The following PRMT8 variants were observed in gnomAD, a reference collection of about 807,000 sequenced individuals.
PRMT8 encodes the protein protein arginine N-methyltransferase 8.
PRMT8 carries 7 observed loss-of-function variants against 47.1 expected under a neutral mutation model. The observed-to-expected ratio is 0.15, with a 90% CI of 0.08 to 0.28. The LOEUF (loss-of-function observed/expected upper bound fraction) is 0.28, where lower values mean the gene tolerates loss of function less well. PRMT8 is among the 10% of genes least tolerant of loss of function. PRMT8 has a pLI of 1.00. For synonymous variants in PRMT8, 188 were observed against 186.5 expected (o/e 1.01, Z -0.07); for missense variants, 237 against 505.4 (o/e 0.47, Z 5.09).
In PRMT8 at chr12:3,436,923, GA is replaced by G. The variant is rs1864749681; in HGVS notation, c.48+55482del. On this transcript the variant is annotated intron_variant, in intron 1 of 9. Transcript: ENST00000452611. The surrounding 1 kb of genome is among the most constrained non-coding windows in gnomAD (Gnocchi z 4.2). ...CTGGTGGGGTGTCCCAGTGGATGGCGAGAGTTTGGTAGGTTCAATTTGATTC... is the reference window on the plus strand; with the variant it reads ...CTGGTGGGGTGTCCCAGTGGATGGCGGAGTTTGGTAGGTTCAATTTGATTC... Among the ~76,000 whole-genome samples, 2 of 152,238 alleles carry G rather than the reference GA, an allele frequency of 1.3e-5. No homozygotes were observed. Among genetic ancestry groups the G allele is most frequent in the African/African-American group, 4.8e-5 (2 of 41,464 alleles).
intron 1 of PRMT8, among the ~76,000 whole-genome samples, chr12:3,525,941 T>C (rs938912797): frequency 2.0e-5 from 3 of 152,190 alleles, no homozygotes; most frequent in African/African-American, 4.8e-5. Flanking sequence ...TACATTCACA[T>C]TGCAGTGCAA....
Position 3,491,418 on chromosome 12 carries a change from C to A in PRMT8, c.-208C>A. Reference sequence around the variant, plus strand: ...AGAACTTGAAACCGTGTGAAGGAATCCGGAGCAGATGAGAAGGGAGGAAAA... The same window carrying A: ...AGAACTTGAAACCGTGTGAAGGAATACGGAGCAGATGAGAAGGGAGGAAAA... On this transcript the variant is annotated 5_prime_UTR_variant, in exon 1 of 10. Transcript: ENST00000382622. The A allele has an allele frequency of 1.5e-6, 2 of 1,339,170 alleles. No homozygotes were observed. Among genetic ancestry groups the A allele is most frequent in the Non-Finnish European group, 1.9e-6 (2 of 1,045,036 alleles). The allele number at this position is 1,339,170 out of a possible 1,614,324, so 83.0% of individuals were successfully genotyped here.
upstream of PRMT8, among the ~76,000 whole-genome samples, chr12:3,490,887 G>A (rs1334380658): frequency 1.3e-5 from 2 of 152,064 alleles, no homozygotes; most frequent in African/African-American, 4.8e-5. Context: ...TGGGGAGGGT[G>A]CGAGTTAACT....
intron 1 of PRMT8, among the ~76,000 whole-genome samples, chr12:3,434,996 T>C (rs1489661162): frequency 1.4e-5 from 2 of 140,276 alleles, no homozygotes; most frequent in African/African-American, 2.8e-5. Context: ...TCAGAAGGAG[T>C]CTTGCTCTGT....
rs542275605 is a variant in PRMT8 at position 3,393,290 on chromosome 12, T to C, written c.48+11848T>C. ...GTTTTAGACATGAAGTCCTTGCCCA[T>C]GCCTATGTCCTGAATGGTAATGCCT... On this transcript the variant is annotated intron_variant, in intron 1 of 9. Transcript: ENST00000452611. 2.6e-3 allele frequency among the ~76,000 whole-genome samples: 385 copies of C among 148,428 alleles called. 1 individual carries two copies. Among genetic ancestry groups the C allele is most frequent in the African/African-American group, 8.7e-3 (350 of 40,012 alleles).
intron 1 of PRMT8, among the ~76,000 whole-genome samples, chr12:3,531,467 T>C (rs1195699933): frequency 6.6e-6 from 1 of 152,186 alleles, no homozygotes; most frequent in African/African-American, 2.4e-5. Context: ...TGACTAATAG[T>C]GGAAAACAGC....
intron 1 of PRMT8, among the ~76,000 whole-genome samples, chr12:3,537,844 C>G (rs1307240662): frequency 6.6e-6 from 1 of 152,154 alleles, no homozygotes; most frequent in African/African-American, 2.4e-5. Flanking sequence ...TTGAACATAG[C>G]CTCCAAAGTT....
In PRMT8 at chr12:3,580,770, C is replaced by G. The variant is rs370803943; in HGVS notation, c.829-2288C>G. 5.3e-5 allele frequency among the ~76,000 whole-genome samples: 8 copies of G among 152,112 alleles called. No individual in the cohort carries two copies. Among genetic ancestry groups the G allele is most frequent in the African/African-American group, 1.7e-4 (7 of 41,424 alleles). On this transcript the variant is annotated intron_variant, in intron 7 of 9. Transcript: ENST00000382622. The surrounding 1 kb of genome is among the most constrained non-coding windows in gnomAD (Gnocchi z 4.6). ...AGATACCAGGGACCTTGGAAAGAGC[C>G]TGGAGCCTGGCTGATTGGCCCTGAG...
At chr12:3,410,255 A>T (rs1267493176) in intron 1 of PRMT8, among the ~76,000 whole-genome samples, 4 of 152,176 alleles carry the variant, frequency 2.6e-5, no homozygotes, top group Non-Finnish European at 5.9e-5. Flanking sequence ...TTTATCACTT[A>T]TACCTCATGA....
At chr12:3,472,095 G>T (rs905009800) in intron 1 of PRMT8, among the ~76,000 whole-genome samples, 3 of 152,148 alleles carry the variant, frequency 2.0e-5, no homozygotes, top group African/African-American at 7.2e-5. Flanking sequence ...CCATCGTACT[G>T]TTCCTTGAGT....
rs1183496300 is a variant in PRMT8, at chr12:3,470,987, C to T, written c.49-69619C>T. Reference sequence around the variant, plus strand: ...GGGCTTTCCTTCAGGCCATCCTGGGCGGAAGCTGGGGGTTGAAAATGAAGA... The same window carrying T: ...GGGCTTTCCTTCAGGCCATCCTGGGTGGAAGCTGGGGGTTGAAAATGAAGA... On this transcript the variant is annotated intron_variant, in intron 1 of 9. Coordinates refer to the PRMT8 transcript ENST00000452611. Among the ~76,000 whole-genome samples the T allele has an allele frequency of 7.2e-5, 11 of 152,150 alleles. No homozygotes were observed. The South Asian group carries it at 1.2e-3, about 17-fold the overall frequency.
At position 3,582,998 on chromosome 12, in the gene PRMT8, C is replaced by A. The variant is rs772660533; in HGVS notation, c.829-60C>A. 31 of 1,574,856 alleles carry A rather than the reference C, an allele frequency of 2.0e-5. No individual in the cohort carries two copies. The Middle Eastern group carries it at 6.5e-4, about 33-fold the overall frequency. On this transcript the variant is annotated intron_variant, in intron 7 of 9. Transcript: ENST00000382622. Reference sequence around the variant, plus strand: ...TCTCTCACAGAACGAGGCTGCTGACCGGGACCCAGACTTGGTGGAGGCGAT... The same window carrying A: ...TCTCTCACAGAACGAGGCTGCTGACAGGGACCCAGACTTGGTGGAGGCGAT...
intron 1 of PRMT8, among the ~76,000 whole-genome samples, chr12:3,460,504 T>C (rs1164123626): frequency 3.3e-5 from 5 of 152,182 alleles, no homozygotes; most frequent in Admixed American, 3.3e-4. Context: ...TTTTACCTTT[T>C]GGCTGTTCAT....
In PRMT8 at chr12:3,564,506, C is replaced by T. The variant is rs1417135818; in HGVS notation, c.482-4200C>T. ...ACCATTTTTAAAAATCTGGATGTCT[C>T]ACTTACAAACTTGAAGCTACAGGAG... On this transcript the variant is annotated intron_variant, in intron 4 of 9. Transcript: ENST00000382622. The surrounding 1 kb of genome is among the most constrained non-coding windows in gnomAD (Gnocchi z 4.0). Among the ~76,000 whole-genome samples, 1 of 152,242 alleles carries T rather than the reference C, an allele frequency of 6.6e-6. No homozygotes were observed. The highest frequency in any genetic ancestry group is 1.5e-5 in the Non-Finnish European group (1 of 68,052).
At chr12:3,559,348 G>C (rs999455329) in intron 4 of PRMT8, among the ~76,000 whole-genome samples, 1 of 152,082 alleles carries the variant, frequency 6.6e-6, no homozygotes, top group Non-Finnish European at 1.5e-5. Flanking sequence ...CCAATTAGTG[G>C]ACCACAGCAT....
At chr12:3,528,192 T>A (rs1865974826) in intron 1 of PRMT8, among the ~76,000 whole-genome samples, 1 of 152,208 alleles carries the variant, frequency 6.6e-6, no homozygotes, top group Non-Finnish European at 1.5e-5. Flanking sequence ...ATCTGTGGGT[T>A]TATGATTTTC....
intron 1 of PRMT8, among the ~76,000 whole-genome samples, chr12:3,396,837 C>T (rs1402236744): frequency 6.6e-6 from 1 of 152,056 alleles, no homozygotes; most frequent in Non-Finnish European, 1.5e-5. Context: ...CTCCCCGTCA[C>T]TTTCAGGTAC....
chr12:3,479,299 C>T (rs551260931), intron 1 of PRMT8, among the ~76,000 whole-genome samples: 13 of 152,366 alleles, frequency 8.5e-5, no homozygotes, highest in East Asian at 3.9e-4. Flanking sequence ...AGAGCCCCCT[C>T]GATCTTCCTT....
chr12:3,558,120 C>T (rs959614296), intron 4 of PRMT8, among the ~76,000 whole-genome samples: 6 of 151,954 alleles, frequency 3.9e-5, no homozygotes, highest in Non-Finnish European at 8.8e-5. Context: ...TGGGGTGGGC[C>T]GGCAGGGGAG....
Sources: allele counts gnomAD v4.1 joint callset (sites outside exome capture counted in the v4.1 genomes callset), GRCh38; gene constraint gnomAD v4.1.1; non-coding constraint Gnocchi (gnomAD v3.1); transcripts MANE v1.5; gene names NCBI Gene and HGNC (gene_info 2026-07-23, HGNC 2026-07-21).